The following SPATA9 variants were observed in gnomAD, a reference collection of about 807,000 sequenced individuals.
The protein encoded by SPATA9 is spermatogenesis-associated protein 9.
SPATA9 carries 27 observed loss-of-function variants against 25.5 expected under a neutral mutation model. The ratio of observed to expected loss-of-function variants is 1.06; its 90% CI spans 0.78 to 1.46. The LOEUF is 1.46. Ranked by LOEUF, SPATA9 falls within the 40% of genes most tolerant of loss-of-function variation. SPATA9 has a pLI of 0.00. For missense variants in SPATA9, 282 were observed against 297.5 expected, an observed-to-expected ratio of 0.95 and a Z score of 0.38; for synonymous variants, 102 against 105.7, an observed-to-expected ratio of 0.97 and a Z score of 0.21.
the SPATA9 span, among the ~76,000 whole-genome samples, chr5:95,710,979 C>T: frequency 4.9e-4 from 75 of 152,150 alleles, no homozygotes; most frequent in African/African-American, 1.6e-3. Flanking sequence ...ATTAAGAGCA[C>T]GGCTATTTTC....
the SPATA9 span, among the ~76,000 whole-genome samples, chr5:95,724,218 GAT>G: frequency 6.6e-6 from 1 of 152,168 alleles, no homozygotes; most frequent in Non-Finnish European, 1.5e-5. Flanking sequence ...AACTTAAAAA[GAT>G]ATGTGGAATT....
chr5:95,714,669 A>G, the SPATA9 span, among the ~76,000 whole-genome samples: 3 of 151,322 alleles, frequency 2.0e-5, no homozygotes, highest in African/African-American at 7.3e-5. Flanking sequence ...ACAAACTTTG[A>G]GGAAGTTTGT....
At chr5:95,729,145 C>T in the SPATA9 span, among the ~76,000 whole-genome samples, 78 of 152,360 alleles carry the variant, frequency 5.1e-4, 1 homozygote, top group South Asian at 1.9e-3. Context: ...ACTGCTCTGC[C>T]TATGGAGTAG....
chr5:95,678,502 T>C (rs914869815), intron 2 of SPATA9, among the ~76,000 whole-genome samples: 1 of 152,258 alleles, frequency 6.6e-6, no homozygotes, highest in Non-Finnish European at 1.5e-5. Flanking sequence ...TATATTCCTC[T>C]ATAAAAATTC....
chr5:95,664,944 C>T (rs544007844), intron 3 of SPATA9, among the ~76,000 whole-genome samples: 4 of 152,154 alleles, frequency 2.6e-5, no homozygotes, highest in South Asian at 2.1e-4. Flanking sequence ...AAACAATGAT[C>T]GTTGATTAAA....
intron 2 of SPATA9, among the ~76,000 whole-genome samples, chr5:95,680,806 A>G (rs142567536): frequency 4.9e-4 from 75 of 152,310 alleles, no homozygotes; most frequent in Middle Eastern, 6.8e-3. Context: ...AGGCTTGGAC[A>G]GGATGTGGCA....
chr5:95,731,499 G>T, the SPATA9 span: 3 of 1,244,956 alleles, frequency 2.4e-6, no homozygotes, highest in Non-Finnish European at 3.0e-6. Flanking sequence ...CCTGGTCCCC[G>T]GCTCGCTCGC....
chr5:95,711,653 C>T, the SPATA9 span, among the ~76,000 whole-genome samples: 1 of 152,054 alleles, frequency 6.6e-6, no homozygotes, highest in Non-Finnish European at 1.5e-5. Flanking sequence ...GGTTGTAAGG[C>T]GGTGGGACTG....
intron 1 of SPATA9, among the ~76,000 whole-genome samples, chr5:95,696,708 C>G (rs1316043755): frequency 6.6e-6 from 1 of 152,114 alleles, no homozygotes. Context: ...AAGACCCAGT[C>G]TTTACAACAA....
the SPATA9 span, among the ~76,000 whole-genome samples, chr5:95,720,480 C>T: frequency 6.6e-6 from 1 of 152,194 alleles, no homozygotes; most frequent in African/African-American, 2.4e-5. Context: ...TCTCCTAATT[C>T]TAGAGTCTAG....
chr5:95,699,956 A>G (rs1754136137), upstream of SPATA9, among the ~76,000 whole-genome samples: 1 of 152,222 alleles, frequency 6.6e-6, no homozygotes, highest in African/African-American at 2.4e-5. Flanking sequence ...TGGAGTTTGA[A>G]TGGGACATCT....
At chr5:95,689,959 C>T (rs1753841564) in intron 1 of SPATA9, among the ~76,000 whole-genome samples, 1 of 152,098 alleles carries the variant, frequency 6.6e-6, no homozygotes, top group Non-Finnish European at 1.5e-5. Context: ...TTTACATGTT[C>T]TCACTTATAA....
chr5:95,678,957 ACTAATTATGTTC>A (rs1753184795), intron 2 of SPATA9, among the ~76,000 whole-genome samples: 1 of 152,226 alleles, frequency 6.6e-6, no homozygotes, highest in Non-Finnish European at 1.5e-5. Context: ...AAATAAAGTA[ACTAATTATGTTC>A]CTATTTGAGT....
intron 3 of SPATA9, among the ~76,000 whole-genome samples, chr5:95,672,883 C>A (rs1752533931): frequency 1.3e-5 from 2 of 152,130 alleles, no homozygotes; most frequent in African/African-American, 2.4e-5. Context: ...GGAGATAAGT[C>A]TCCATGGATT....
upstream of SPATA9, among the ~76,000 whole-genome samples, chr5:95,684,112 C>T (rs554361919): frequency 7.9e-5 from 12 of 152,232 alleles, no homozygotes; most frequent in East Asian, 2.3e-3. Flanking sequence ...ATTCACCTCT[C>T]CTAACCAAAA....
chr5:95,681,001 CTT>C (rs1561413336), intron 2 of SPATA9, among the ~76,000 whole-genome samples: 2 of 152,230 alleles, frequency 1.3e-5, no homozygotes, highest in Non-Finnish European at 2.9e-5. Flanking sequence ...CTAAATATCT[CTT>C]GTGCTCAACC....
At chr5:95,685,054 C>A (rs73149641), upstream of SPATA9, among the ~76,000 whole-genome samples, 31 of 152,332 alleles carry the variant, frequency 2.0e-4, no homozygotes, top group African/African-American at 7.5e-4. Context: ...GGGGGTCAGT[C>A]AGACCTGGGT....
upstream of SPATA9, among the ~76,000 whole-genome samples, chr5:95,700,525 C>T (rs949009206): frequency 6.6e-6 from 1 of 152,168 alleles, no homozygotes; most frequent in Non-Finnish European, 1.5e-5. Context: ...GTCTTGATCT[C>T]CTGACCTCGT....
the SPATA9 span, among the ~76,000 whole-genome samples, chr5:95,705,609 T>C: frequency 1.8e-4 from 27 of 152,220 alleles, no homozygotes; most frequent in African/African-American, 6.5e-4. Flanking sequence ...AATATAACTT[T>C]ATAAAAAGAA....
Sources: allele counts gnomAD v4.1 joint callset (sites outside exome capture counted in the v4.1 genomes callset), GRCh38; gene constraint gnomAD v4.1.1; transcripts MANE v1.5; gene names NCBI Gene and HGNC (gene_info 2026-07-23, HGNC 2026-07-21).